The following SLC39A4 variants were observed in gnomAD, a reference collection of about 807,000 sequenced individuals.
The protein encoded by SLC39A4 is solute carrier family 39 member 4.
A neutral mutation model predicts 56.6 loss-of-function variants in SLC39A4; 49 were observed. That is an observed-to-expected ratio of 0.87 (90% confidence interval 0.69 to 1.10). The LOEUF is 1.10. Among genes scored for constraint, SLC39A4 ranks in the 50% least tolerant of loss-of-function variants. SLC39A4 has a pLI of 0.00. For missense variants in SLC39A4, 993 were observed against 864.2 expected, an observed-to-expected ratio of 1.15 and a Z score of -1.87; for synonymous variants, 540 against 420.4, an observed-to-expected ratio of 1.28 and a Z score of -3.48.
Position 144,415,878 on chromosome 8 carries a change from G to A in SLC39A4, c.406C>T (p.Leu136=), listed in dbSNP as rs781819331. The change falls in exon 2 of 12, where the codon CTG becomes TTG. Residue 136 remains leucine, a synonymous_variant. Transcript: ENST00000301305. ...LLALLESPKA[L]TPGLSWLLQR... ...AGCAGCCAGCTCAGGCCCGGGGTCA[G>A]GGCCTTGGGGCTCTCGAGCAGGGCC... 1.9e-6 allele frequency: 3 copies of A among 1,596,670 alleles called. No homozygotes were observed. The highest frequency in any genetic ancestry group is 2.2e-5 in the South Asian group (2 of 89,684).
intron 5 of SLC39A4, 48 bp from the exon 6 acceptor site, chr8:144,414,482 C>T: frequency 6.5e-7 from 1 of 1,548,350 alleles, no homozygotes; most frequent in Non-Finnish European, 8.7e-7. Context: ...CAGACTCAGC[C>T]CCTGCTTCCC....
intron 10 of SLC39A4, 89 bp downstream of exon 10, chr8:144,413,147 AT>A: frequency 8.5e-7 from 1 of 1,180,514 alleles, no homozygotes; most frequent in Non-Finnish European, 1.1e-6. Context: ...GGCCCCGCCC[AT>A]CTTCCAGGCC....
rs186253170 is a variant in SLC39A4, at chr8:144,415,790, C to T, written c.474+20G>A. ...GACCCTCCTCACCCACTCCCCTGGT[C>T]TGCCTGGACTCTCCCTCACCATCTT... On this transcript the variant is annotated intron_variant, in intron 2 of 11. Coordinates refer to ENST00000301305, the MANE Select transcript of SLC39A4 (RefSeq NM_130849.4). The T allele has an allele frequency of 1.5e-5, 24 of 1,587,682 alleles. No homozygotes were observed. In the East Asian group the frequency reaches 1.6e-4, roughly 10 times the overall value.
Position 144,414,083 on chromosome 8 carries a change from G to A in SLC39A4, c.1162C>T (p.His388Tyr). 5 of 1,557,960 alleles carry A rather than the reference G, an allele frequency of 3.2e-6. No homozygotes were observed. The highest frequency in any genetic ancestry group is 1.9e-5 in the Admixed American group (1 of 51,504). The change falls in exon 7 of 12, where the codon CAT becomes TAT. Residue 388 changes from histidine (H) to tyrosine (Y), a missense_variant. By Grantham distance (83) the His-to-Tyr change is moderately conservative. Coordinates refer to ENST00000301305, the MANE Select transcript of SLC39A4 (RefSeq NM_130849.4). Reference sequence around the variant, plus strand: ...CTGAGGCCCTCTTCGCTGTGTGTATGCAGCCCCAGCACCTGGGGAGTAGGG... The same window carrying A: ...CTGAGGCCCTCTTCGCTGTGTGTATACAGCCCCAGCACCTGGGGAGTAGGG... ...LHLTPKVLGL[H>Y]THSEEGLSPQ...
rs187582382 is a variant in SLC39A4 at position 144,414,894 on chromosome 8, T to C, written c.807A>G (p.Val269=). 1.2e-5 allele frequency: 20 copies of C among 1,613,198 alleles called. No individual in the cohort carries two copies. The African/African-American group carries it at 2.0e-4, about 16-fold the overall frequency. The change falls in exon 5 of 12, where the codon GTA becomes GTG. Residue 269 remains valine, a splice_region_variant and synonymous_variant. Transcript: ENST00000301305. The part of the protein sequence containing the change: ...SSNSSSVWDT[V]CLSARDVMAA... ...CCATCACGTCCCTGGCACTCAGGCATACCTGGGGGGTGGCAGGACAGGCTC... is the reference window on the plus strand; with the variant it reads ...CCATCACGTCCCTGGCACTCAGGCACACCTGGGGGGTGGCAGGACAGGCTC...
chr8:144,415,589 C>G (rs1822143933), intron 2 of SLC39A4, among the ~76,000 whole-genome samples, 170 bp from the exon 3 acceptor site: 1 of 152,308 alleles, frequency 6.6e-6, no homozygotes, highest in Admixed American at 6.5e-5. Context: ...GGCTCCCACT[C>G]AGGCCTCTGG....
chr8:144,416,358 G>T, intron 1 of SLC39A4: 1 of 1,460,192 alleles, frequency 6.8e-7, no homozygotes, highest in Non-Finnish European at 9.0e-7. Flanking sequence ...GCAGAGGGCC[G>T]GCAGGGGGAG....
chr8:144,412,446 G>A lies in SLC39A4; in HGVS notation c.*92C>T. The A allele has an allele frequency of 6.2e-7, 1 of 1,600,672 alleles. No homozygotes were observed. The highest frequency in any genetic ancestry group is 8.6e-7 in the Non-Finnish European group (1 of 1,169,416). ...ACAAGAGTGTCTTTACTGGAGTTGG[G>A]ACTGGGGCCTCTATAGGGGCTTCTG... is the stretch of plus-strand genomic sequence containing the variant. On this transcript the variant is annotated 3_prime_UTR_variant, in exon 12 of 12. Transcript: ENST00000301305.
chr8:144,412,668 T>C lies in SLC39A4; in HGVS notation c.1816-2A>G, dbSNP rs782264882. On this transcript the variant is annotated splice_acceptor_variant, in intron 11 of 11. Transcript: ENST00000301305. LOFTEE classifies it high-confidence loss of function. ...CCGTACTTTCAACATCGCCGGGAGC[T>C]GAGGAGCAAGTGGGCACCGGGTCAG... is the stretch of plus-strand genomic sequence containing the variant. The C allele has an allele frequency of 4.3e-6, 7 of 1,613,862 alleles. No homozygotes were observed. The highest frequency in any genetic ancestry group is 5.9e-6 in the Non-Finnish European group (7 of 1,179,944).
intron 6 of SLC39A4, 54 bp downstream of exon 6, chr8:144,414,208 G>C (rs1822057329): frequency 6.3e-7 from 1 of 1,591,842 alleles, no homozygotes; most frequent in Non-Finnish European, 8.5e-7. Flanking sequence ...GGCACGGCCT[G>C]GGAGTCCATG....
chr8:144,412,901 G>C lies in SLC39A4; in HGVS notation c.1673C>G (p.Ala558Gly), dbSNP rs1401946132. Residue 558 changes from alanine (A) to glycine (G), a missense_variant, in exon 11 of 12, where the codon GCA becomes GGA. Coordinates refer to ENST00000301305, the MANE Select transcript of SLC39A4 (RefSeq NM_130849.4). Reference protein sequence around the residue: ...LLHAGLSVRQALLLNLASALT... With the variant: ...LLHAGLSVRQGLLLNLASALT... ...CGCGGAGGCCAGGTTCAGCAGCAGT[G>C]CTTGGCGCACGGACAGCCCCGCGTG... 6.2e-7 allele frequency: 1 copy of C among 1,609,398 alleles called. No individual in the cohort carries two copies. The highest frequency in any genetic ancestry group is 1.3e-5 in the African/African-American group (1 of 74,920).
In SLC39A4 at chr8:144,415,038, C is replaced by A. The variant is rs782478628; in HGVS notation, c.740G>T (p.Gly247Val). The A allele has an allele frequency of 6.2e-7, 1 of 1,611,398 alleles. No individual in the cohort carries two copies. The highest frequency in any genetic ancestry group is 2.2e-5 in the East Asian group (1 of 44,876). ...GGGCACAGGGTCCCGGCTGCTGGCT[C>A]CCCTGTGCCGATGACTGTGGTCACT... Reference protein sequence around the residue: ...AHSDHSHRHRGASSRDPVPLI... With the variant: ...AHSDHSHRHRVASSRDPVPLI... Residue 247 changes from glycine (G) to valine (V), a missense_variant, in exon 4 of 12, where the codon GGA becomes GTA. Physicochemically the swap from Gly to Val is moderately radical, Grantham distance 109. Transcript: ENST00000301305.
Position 144,414,053 on chromosome 8 carries a change from G to C in SLC39A4, c.1192C>G (p.Gln398Glu). The C allele has an allele frequency of 6.4e-7, 1 of 1,573,058 alleles. No individual in the cohort carries two copies. ...HTHSEEGLSP[Q>E]PTWRLLAMLA... ...ATAGCCAGGAGGCGCCAGGTGGGCT[G>C]TGGGCTGAGGCCCTCTTCGCTGTGT... The change falls in exon 7 of 12, where the codon CAG becomes GAG. Residue 398 changes from glutamine (Q) to glutamate (E), a missense_variant. Gln to Glu is a conservative substitution (Grantham distance 29). Transcript: ENST00000301305.
chr8:144,413,436 C>G (rs782130218), intron 9 of SLC39A4, 47 bp from the exon 10 acceptor site: 4 of 1,592,818 alleles, frequency 2.5e-6, no homozygotes, highest in Non-Finnish European at 3.4e-6. Flanking sequence ...TCGCCTACCG[C>G]CAAGCCTTGG....
intron 11 of SLC39A4, 26 bp downstream of exon 11, chr8:144,412,733 G>A (rs1554871886): frequency 1.2e-6 from 2 of 1,613,298 alleles, no homozygotes; most frequent in South Asian, 2.2e-5. Context: ...CCGGCCCAGA[G>A]CAGCCCCTCC....
At chr8:144,413,597 G>C (rs996011665) in intron 8 of SLC39A4, 30 bp from the exon 9 acceptor site, 13 of 1,549,210 alleles carry the variant, frequency 8.4e-6, no homozygotes, top group Non-Finnish European at 1.0e-5. Context: ...AGTCCCGCCC[G>C]GAAGTGGAGG....
At position 144,413,481 on chromosome 8, in the gene SLC39A4, C is replaced by T. The variant is rs781891931; in HGVS notation, c.1474+32G>A. 5 of 1,561,662 alleles carry T rather than the reference C, an allele frequency of 3.2e-6. No homozygotes were observed. The African/African-American group carries it at 6.8e-5, about 21-fold the overall frequency. ...GCGCTCCACACAAACCCCAGATCCCCCAGCCCTTCCGGGGTCGCCCCCTGG... is the reference window on the plus strand; with the variant it reads ...GCGCTCCACACAAACCCCAGATCCCTCAGCCCTTCCGGGGTCGCCCCCTGG... On this transcript the variant is annotated intron_variant, in intron 9 of 11. Transcript: ENST00000301305.
chr8:144,416,360 C>A, intron 1 of SLC39A4: 1 of 1,460,050 alleles, frequency 6.8e-7, no homozygotes, highest in African/African-American at 1.4e-5. Flanking sequence ...AGAGGGCCGG[C>A]AGGGGGAGTT....
intron 1 of SLC39A4, 114 bp downstream of exon 1, chr8:144,416,484 C>T: frequency 6.8e-7 from 1 of 1,481,252 alleles, no homozygotes; most frequent in East Asian, 2.5e-5. Context: ...CCAGGTACTG[C>T]CACTAGCCTC....
Sources: allele counts gnomAD v4.1 joint callset (sites outside exome capture counted in the v4.1 genomes callset), GRCh38; gene constraint gnomAD v4.1.1; transcripts MANE v1.5; gene names NCBI Gene and HGNC (gene_info 2026-07-23, HGNC 2026-07-21).